RABGAP1L: variants seen among roughly 807,000 people sequenced by gnomAD.
RABGAP1L encodes the protein RAB GTPase activating protein 1 like, also known as rab GTPase-activating protein 1-like.
A neutral mutation model predicts 137.7 loss-of-function variants in RABGAP1L; 63 were observed. That is an observed-to-expected ratio of 0.46 (90% CI 0.37 to 0.56). The LOEUF (loss-of-function observed/expected upper bound fraction) is 0.56, where lower values mean the gene tolerates loss of function less well. Ranked by LOEUF, RABGAP1L falls within the 20% of genes least tolerant of loss-of-function variation. The pLI is 0.00. For synonymous variants in RABGAP1L, 431 were observed against 433.7 expected (o/e 0.99, Z 0.08); for missense variants, 1,095 against 1,244.0 (o/e 0.88, Z 1.80).
At chr1:174,623,279 C>A (rs1009496337) in intron 13 of RABGAP1L, among the ~76,000 whole-genome samples, 1 of 152,156 alleles carries the variant, frequency 6.6e-6, no homozygotes, top group Admixed American at 6.5e-5. Flanking sequence ...ACAGTGAGAT[C>A]TTCAAATTTT....
intron 10 of RABGAP1L, among the ~76,000 whole-genome samples, chr1:174,299,634 A>G (rs1391262665): frequency 6.6e-6 from 1 of 152,256 alleles, no homozygotes; most frequent in Non-Finnish European, 1.5e-5. Flanking sequence ...CTCAATTATT[A>G]AAGGCCATAA....
intron 19 of RABGAP1L, among the ~76,000 whole-genome samples, chr1:174,932,484 T>C (rs913435554): frequency 6.6e-5 from 10 of 152,136 alleles, no homozygotes; most frequent in Non-Finnish European, 1.5e-4. Context: ...GAAGTGATGC[T>C]GTTTTTCTCA....
At chr1:174,294,164 T>G (rs1228160009) in intron 10 of RABGAP1L, among the ~76,000 whole-genome samples, 3 of 152,196 alleles carry the variant, frequency 2.0e-5, no homozygotes, top group African/African-American at 7.2e-5. Context: ...GCTTGCTACC[T>G]GATAAACAAC....
chr1:174,839,028 C>CTTGTGTGTGTGT (rs372484184), intron 19 of RABGAP1L, among the ~76,000 whole-genome samples: 1 of 130,046 alleles, frequency 7.7e-6, no homozygotes, highest in Non-Finnish European at 1.6e-5. Flanking sequence ...AACTTTTTTA[C>CTTGTGTGTGTGT]GTGTGTGTGT....
chr1:174,989,764 A>G, intron 25 of RABGAP1L, 85 bp from the exon 26 acceptor site: 1 of 1,429,600 alleles, frequency 7.0e-7, no homozygotes, highest in Non-Finnish European at 9.4e-7. Flanking sequence ...ATACCTTGAG[A>G]CTCCAAAAAG....
Position 174,793,254 on chromosome 1 carries a change from T to C in RABGAP1L, c.2212-18578T>C, listed in dbSNP as rs562075138. 3.3e-5 allele frequency among the ~76,000 whole-genome samples: 5 copies of C among 152,332 alleles called. No individual in the cohort carries two copies. In the South Asian group the frequency reaches 1.0e-3, roughly 32 times the overall value. On this transcript the variant is annotated intron_variant, in intron 18 of 25. Coordinates refer to ENST00000681986, the MANE Select transcript of RABGAP1L (RefSeq NM_001366446.1). ...TTACAGTAGAATCTGATCACAAGGA[T>C]TGGCAATAGGTATTAGTGATGCTAC... is the stretch of plus-strand genomic sequence containing the variant.
intron 13 of RABGAP1L, among the ~76,000 whole-genome samples, chr1:174,470,917 C>T (rs1476262003): frequency 6.6e-6 from 1 of 152,030 alleles, no homozygotes; most frequent in East Asian, 1.9e-4. Flanking sequence ...TGGATTTTGC[C>T]TCTGTGTTTG....
chr1:174,404,802 C>G (rs558015753), intron 13 of RABGAP1L, among the ~76,000 whole-genome samples: 1 of 152,122 alleles, frequency 6.6e-6, no homozygotes, highest in Non-Finnish European at 1.5e-5. Context: ...CTGTATCAGA[C>G]AGCAAAAAGG....
Position 174,371,102 on chromosome 1 carries a change from C to T in RABGAP1L, c.1559+30C>T, listed in dbSNP as rs918936765. On this transcript the variant is annotated intron_variant, in intron 12 of 25. Transcript: ENST00000681986. Reference sequence around the variant, plus strand: ...AATTTTATTTTTCATACTGAAAATTCTATATTTACATAGTTGATGTTAATT... The same window carrying T: ...AATTTTATTTTTCATACTGAAAATTTTATATTTACATAGTTGATGTTAATT... The T allele has an allele frequency of 2.4e-6, 3 of 1,254,976 alleles. No homozygotes were observed. The Admixed American group carries it at 5.2e-5, about 22-fold the overall frequency. 77.7% of individuals were successfully genotyped at this position (1,254,976 alleles called of 1,614,324 possible). A position where few individuals can be genotyped will look rare whatever the true frequency, so the allele number is the denominator to read the frequency against.
At chr1:174,271,449 T>C (rs925895180) in intron 7 of RABGAP1L, among the ~76,000 whole-genome samples, 4 of 152,148 alleles carry the variant, frequency 2.6e-5, no homozygotes, top group African/African-American at 9.6e-5. Flanking sequence ...GTTATATTCT[T>C]TACCCTTTCT....
At chr1:174,815,063 A>G (rs1181196390) in intron 19 of RABGAP1L, among the ~76,000 whole-genome samples, 1 of 152,210 alleles carries the variant, frequency 6.6e-6, no homozygotes, top group Non-Finnish European at 1.5e-5. Flanking sequence ...AAGGCTGACC[A>G]CAACCCACTA....
chr1:174,426,666 T>A (rs1651998741), intron 13 of RABGAP1L, among the ~76,000 whole-genome samples: 2 of 152,102 alleles, frequency 1.3e-5, no homozygotes, highest in Non-Finnish European at 2.9e-5. Context: ...ACTTTTTTCC[T>A]AGAGTAAATG....
intron 18 of RABGAP1L, chr1:174,800,404 G>A: frequency 6.4e-7 from 1 of 1,550,768 alleles, no homozygotes. Flanking sequence ...CCCAGGACAT[G>A]CACGACGAGA....
chr1:174,440,559 G>A (rs992451122), intron 13 of RABGAP1L, among the ~76,000 whole-genome samples: 1 of 152,070 alleles, frequency 6.6e-6, no homozygotes, highest in African/African-American at 2.4e-5. Context: ...GTTTACTTTA[G>A]TCTCTATTTG....
chr1:174,738,681 G>A (rs1450061211), intron 17 of RABGAP1L, among the ~76,000 whole-genome samples: 1 of 152,168 alleles, frequency 6.6e-6, no homozygotes, highest in Non-Finnish European at 1.5e-5. Flanking sequence ...CTAGTTGGTG[G>A]CAGAAATGAA....
chr1:174,502,812 A>G (rs1661446585), intron 13 of RABGAP1L, among the ~76,000 whole-genome samples: 1 of 151,992 alleles, frequency 6.6e-6, no homozygotes, highest in South Asian at 2.1e-4. Context: ...CAAATGCAAA[A>G]ATGACACAGT....
intron 20 of RABGAP1L, among the ~76,000 whole-genome samples, chr1:174,963,260 A>T (rs1197070048): frequency 3.3e-5 from 5 of 152,210 alleles, no homozygotes; most frequent in African/African-American, 1.2e-4. Flanking sequence ...TATGCCTATG[A>T]TAACTTAATG....
chr1:174,588,007 G>C (rs1350441514), intron 13 of RABGAP1L, among the ~76,000 whole-genome samples: 3 of 152,042 alleles, frequency 2.0e-5, no homozygotes, highest in Non-Finnish European at 4.4e-5. Context: ...GGGACTACAG[G>C]CGTGCACAAC....
At chr1:174,645,844 T>C (rs1262411605) in intron 14 of RABGAP1L, among the ~76,000 whole-genome samples, 1 of 152,154 alleles carries the variant, frequency 6.6e-6, no homozygotes, top group Non-Finnish European at 1.5e-5. Flanking sequence ...AGTGTTCCTG[T>C]TTCTCCACAT....
Sources: allele counts gnomAD v4.1 joint callset (sites outside exome capture counted in the v4.1 genomes callset), GRCh38; gene constraint gnomAD v4.1.1; transcripts MANE v1.5; gene names NCBI Gene and HGNC (gene_info 2026-07-23, HGNC 2026-07-21).